INPP5A: variants seen among roughly 807,000 people sequenced by gnomAD.
INPP5A encodes 43 kDa inositol polyphosphate 5-phophatase.
A neutral mutation model predicts 65.2 loss-of-function variants in INPP5A; 14 were observed. That is an observed-to-expected ratio of 0.21 (90% CI 0.14 to 0.34). The LOEUF is 0.34. Ranked by LOEUF, INPP5A falls within the 10% of genes least tolerant of loss-of-function variation. The pLI is 1.00. For missense variants in INPP5A, 431 were observed against 545.6 expected (o/e 0.79, Z 2.09); for synonymous variants, 207 against 208.3 (o/e 0.99, Z 0.05).
chr10:132,770,689 G>A (rs958435939), intron 12 of INPP5A, among the ~76,000 whole-genome samples: 4 of 152,140 alleles, frequency 2.6e-5, no homozygotes, highest in African/African-American at 7.2e-5. Context: ...TTATTAGTCC[G>A]TTTTAAAAAT....
chr10:132,654,823 C>T (rs2072630924), intron 4 of INPP5A, among the ~76,000 whole-genome samples: 1 of 152,232 alleles, frequency 6.6e-6, no homozygotes, highest in Middle Eastern at 3.2e-3. Context: ...TGAAGCTGCG[C>T]CTGGCGCGTG....
chr10:132,708,421 T>C, intron 7 of INPP5A, 56 bp downstream of exon 7: 1 of 1,539,094 alleles, frequency 6.5e-7, no homozygotes, highest in South Asian at 1.1e-5. Context: ...CTTTTATATC[T>C]TGCACCAGCG....
intron 2 of INPP5A, among the ~76,000 whole-genome samples, chr10:132,625,275 G>A (rs2072168292): frequency 6.6e-6 from 1 of 151,406 alleles, no homozygotes; most frequent in African/African-American, 2.4e-5. Flanking sequence ...TCCCTACTCC[G>A]CTCCTGTCAT....
intron 4 of INPP5A, among the ~76,000 whole-genome samples, chr10:132,662,968 G>A (rs189315974): frequency 6.6e-5 from 10 of 152,242 alleles, no homozygotes; most frequent in Middle Eastern, 3.4e-3. Context: ...CCACTTACAC[G>A]TACCTTAGCA....
At chr10:132,745,287 G>A (rs2134627662) in intron 9 of INPP5A, among the ~76,000 whole-genome samples, 1 of 152,340 alleles carries the variant, frequency 6.6e-6, no homozygotes, top group Admixed American at 6.5e-5. Context: ...GGCTGGGGCT[G>A]TCCCTGTTGC....
In INPP5A at chr10:132,727,348, A is replaced by G. The variant is rs1345644714; in HGVS notation, c.732+443A>G. On this transcript the variant is annotated intron_variant, in intron 9 of 15. Coordinates refer to ENST00000368594, the MANE Select transcript of INPP5A (RefSeq NM_005539.5). The surrounding 1 kb of genome is among the most constrained non-coding windows in gnomAD (Gnocchi z 6.5). Reference sequence around the variant, plus strand: ...TAAACATTGTGCTTTTCTGTCTGCAAAGTCATTATTCCGTGAGTTAACGAG... The same window carrying G: ...TAAACATTGTGCTTTTCTGTCTGCAGAGTCATTATTCCGTGAGTTAACGAG... The G allele has an allele frequency of 6.5e-6, 1 of 154,134 alleles. No homozygotes were observed. The highest frequency in any genetic ancestry group is 1.9e-4 in the East Asian group (1 of 5,264). The allele number at this position is 154,134 out of a possible 1,614,324, so 9.5% of individuals were successfully genotyped here.
Position 132,705,548 on chromosome 10 carries a change from A to G in INPP5A, c.475-2765A>G, listed in dbSNP as rs963390383. ...GAGTAGAGCCATAGCCTGGCGTCCAAGTGCGTGGCCAGGCCGGGAGGAGTG... is the reference window on the plus strand; with the variant it reads ...GAGTAGAGCCATAGCCTGGCGTCCAGGTGCGTGGCCAGGCCGGGAGGAGTG... On this transcript the variant is annotated intron_variant, in intron 6 of 15. Coordinates refer to ENST00000368594, the MANE Select transcript of INPP5A (RefSeq NM_005539.5). This position sits in a 1 kb window ranked among gnomAD's most constrained non-coding sequence, Gnocchi z 4.9. 6.6e-5 allele frequency among the ~76,000 whole-genome samples: 10 copies of G among 152,250 alleles called. No homozygotes were observed. The highest frequency in any genetic ancestry group is 2.4e-4 in the African/African-American group (10 of 41,462).
rs577011856 is a variant in INPP5A at position 132,739,592 on chromosome 10, C to G, written c.733-9925C>G. Reference sequence around the variant, plus strand: ...TGCCAGCCCCCTGATCTCAGCCACTCCCAGAGGGGGACGCAGCGCTCTCTG... The same window carrying G: ...TGCCAGCCCCCTGATCTCAGCCACTGCCAGAGGGGGACGCAGCGCTCTCTG... On this transcript the variant is annotated intron_variant, in intron 9 of 15. Transcript: ENST00000368594. Among the ~76,000 whole-genome samples the G allele has an allele frequency of 2.0e-5, 3 of 152,362 alleles. No individual in the cohort carries two copies. In the East Asian group the frequency reaches 5.8e-4, roughly 29 times the overall value.
At chr10:132,780,675 CCT>C (rs778761606) in intron 13 of INPP5A, among the ~76,000 whole-genome samples, 172 bp from the exon 14 acceptor site, 1 of 152,272 alleles carries the variant, frequency 6.6e-6, no homozygotes, top group South Asian at 2.1e-4. Flanking sequence ...CATGAGCTGG[CCT>C]CTCTCTCAGG....
In INPP5A at chr10:132,737,327, C is replaced by T. The variant is rs117235602; in HGVS notation, c.732+10422C>T. Among the ~76,000 whole-genome samples, 350 of 152,304 alleles carry T rather than the reference C, an allele frequency of 2.3e-3. 13 individuals carry two copies. In the East Asian group the frequency reaches 0.063, roughly 27 times the overall value. The stretch of plus-strand genomic sequence containing the variant: ...TGACACTCCTGTAGAGCCTCAGCAC[C>T]GTCTCCAGAGCAGCATGGATGGAAA... On this transcript the variant is annotated intron_variant, in intron 9 of 15. Transcript: ENST00000368594.
In INPP5A at chr10:132,545,379, A is replaced by G. The variant is rs1564910873; in HGVS notation, c.75+7208A>G. The stretch of plus-strand genomic sequence containing the variant: ...ATCGGGGCGGCTGAGGGGGCTGCCT[A>G]CGGCAGGAGACGGCAGGTCTCTCTG... On this transcript the variant is annotated intron_variant, in intron 1 of 15. Transcript: ENST00000368594. The surrounding 1 kb of genome is among the most constrained non-coding windows in gnomAD (Gnocchi z 4.6). 6.6e-6 allele frequency among the ~76,000 whole-genome samples: 1 copy of G among 152,076 alleles called. No individual in the cohort carries two copies. Among genetic ancestry groups the G allele is most frequent in the Non-Finnish European group, 1.5e-5 (1 of 68,026 alleles).
Position 132,575,238 on chromosome 10 carries a change from G to A in INPP5A, c.76-32677G>A, listed in dbSNP as rs902494231. Among the ~76,000 whole-genome samples the A allele has an allele frequency of 6.6e-6, 1 of 152,174 alleles. No homozygotes were observed. On this transcript the variant is annotated intron_variant, in intron 1 of 15. Transcript: ENST00000368594. This position sits in a 1 kb window ranked among gnomAD's most constrained non-coding sequence, Gnocchi z 5.4. ...AACCCTGACCTGTGTGCTGAAGGGC[G>A]GCCGCCTGATGTCTGCCTGCTTTTG...
chr10:132,591,482 C>T (rs1333390254), intron 1 of INPP5A, among the ~76,000 whole-genome samples: 2 of 152,224 alleles, frequency 1.3e-5, no homozygotes, highest in African/African-American at 2.4e-5. Flanking sequence ...TTTTCATGGA[C>T]TCAAAGCTTT....
chr10:132,703,658 C>G (rs1399774241), intron 6 of INPP5A, among the ~76,000 whole-genome samples: 3 of 120,382 alleles, frequency 2.5e-5, no homozygotes, highest in Non-Finnish European at 1.7e-5. Flanking sequence ...CCGCACACCC[C>G]CACACACACA....
At position 132,697,733 on chromosome 10, in the gene INPP5A, C is replaced by T. The variant is rs112146145; in HGVS notation, c.371-83C>T. The stretch of plus-strand genomic sequence containing the variant: ...TCTCTGGCTCCCATCGGGCTGAAGT[C>T]GGGTGGAAACAGGTTGTGCTCCAGG... On this transcript the variant is annotated intron_variant, in intron 5 of 15. Transcript: ENST00000368594. This position sits in a 1 kb window ranked among gnomAD's most constrained non-coding sequence, Gnocchi z 5.6. 9.5e-6 allele frequency: 9 copies of T among 944,752 alleles called. No homozygotes were observed. The highest frequency in any genetic ancestry group is 7.0e-5 in the South Asian group (5 of 71,182). 58.5% of individuals were successfully genotyped at this position (944,752 alleles called of 1,614,324 possible). A position where few individuals can be genotyped will look rare whatever the true frequency, so the allele number is the denominator to read the frequency against.
intron 2 of INPP5A, among the ~76,000 whole-genome samples, chr10:132,611,703 G>T (rs1389174576): frequency 9.8e-5 from 14 of 143,016 alleles, no homozygotes; most frequent in Non-Finnish European, 3.1e-5. Context: ...AGGTGGGCAG[G>T]GGAGAGGCCC....
intron 2 of INPP5A, among the ~76,000 whole-genome samples, chr10:132,633,311 C>T (rs2072298313): frequency 6.6e-6 from 1 of 152,214 alleles, no homozygotes; most frequent in Non-Finnish European, 1.5e-5. Context: ...CAGCTTCACT[C>T]ACTTGCAGAG....
intron 4 of INPP5A, among the ~76,000 whole-genome samples, chr10:132,683,422 G>A (rs1454129578): frequency 2.6e-5 from 4 of 152,208 alleles, no homozygotes; most frequent in East Asian, 1.9e-4. Flanking sequence ...GAGGGCACGT[G>A]TCTGCGGTGA....
intron 12 of INPP5A, among the ~76,000 whole-genome samples, chr10:132,773,494 T>G (rs1846991728): frequency 6.6e-6 from 1 of 152,220 alleles, no homozygotes; most frequent in Non-Finnish European, 1.5e-5. Flanking sequence ...CTTTCAAACT[T>G]TCCGTGGGCC....
Sources: allele counts gnomAD v4.1 joint callset (sites outside exome capture counted in the v4.1 genomes callset), GRCh38; gene constraint gnomAD v4.1.1; non-coding constraint Gnocchi (gnomAD v3.1); transcripts MANE v1.5; gene names NCBI Gene and HGNC (gene_info 2026-07-23, HGNC 2026-07-21).